Variants in CD1D observed in about 807,000 individuals in gnomAD.
CD1D encodes the protein CD1d molecule.
In CD1D, 40 loss-of-function variants were observed where a neutral mutation model predicts 42.1. That is an observed-to-expected ratio of 0.95 (90% confidence interval 0.74 to 1.24). The LOEUF (loss-of-function observed/expected upper bound fraction) is 1.24, where lower values mean the gene tolerates loss of function less well. Ranked by LOEUF, CD1D falls within the 50% of genes most tolerant of loss-of-function variation. The probability of loss-of-function intolerance (pLI) is 0.00; values close to 1 mark genes in which losing one functional copy is unlikely to be tolerated. For missense variants in CD1D, 437 were observed against 416.5 expected (o/e 1.05, Z -0.43); for synonymous variants, 178 against 171.8 (o/e 1.04, Z -0.28).
chr1:158,183,877 T>G, intron 4 of CD1D, 59 bp from the exon 5 acceptor site: 1 of 1,313,274 alleles, frequency 7.6e-7, no homozygotes, highest in Non-Finnish European at 1.1e-6. Context: ...GACCAGGGGA[T>G]TGGATATATG....
At chr1:158,181,818 C>A in intron 2 of CD1D, 97 bp downstream of exon 2, 1 of 1,477,598 alleles carries the variant, frequency 6.8e-7, no homozygotes, top group Non-Finnish European at 9.3e-7. Context: ...ATGAGATTCT[C>A]TGCTCTGTCC....
intron 3 of CD1D, 198 bp downstream of exon 3, chr1:158,182,508 CTG>C: frequency 1.6e-6 from 1 of 643,642 alleles, no homozygotes; most frequent in South Asian, 1.9e-5. Context: ...TAATGAACAA[CTG>C]GGGGTGAAAG....
At chr1:158,179,439 G>A (rs896378382), upstream of CD1D, among the ~76,000 whole-genome samples, 3 of 152,190 alleles carry the variant, frequency 2.0e-5, no homozygotes, top group East Asian at 3.9e-4. Context: ...AAACATTAAC[G>A]TTAGCAGAAT....
rs1648479862 is a variant in CD1D at position 158,182,312 on chromosome 1, T to C, written c.607+2T>C. On this transcript the variant is annotated splice_donor_variant, in intron 3 of 5. Transcript: ENST00000674085. LOFTEE classifies it high-confidence loss of function. ...GGAAGTCGGAACTGAAGAAGCAAGG[T>C]CAGCCTGCCTTCCTTACTCCCTGCA... 6.2e-7 allele frequency: 1 copy of C among 1,614,100 alleles called. No homozygotes were observed. Among genetic ancestry groups the C allele is most frequent in the Non-Finnish European group, 8.5e-7 (1 of 1,180,004 alleles).
At position 158,180,992 on chromosome 1, in the gene CD1D, T is replaced by C. The variant is rs1648365743; in HGVS notation, c.-110T>C. On this transcript the variant is annotated 5_prime_UTR_variant, in exon 1 of 6. Coordinates refer to ENST00000674085, the MANE Select transcript of CD1D (RefSeq NM_001371762.2). ...GGCTGCCGGGGTCTGGGCTTGGGAATTGGCTGGCACCCAGCGGAAAGGGAC... is the reference window on the plus strand; with the variant it reads ...GGCTGCCGGGGTCTGGGCTTGGGAACTGGCTGGCACCCAGCGGAAAGGGAC... The C allele has an allele frequency of 2.0e-6, 2 of 1,021,950 alleles. No individual in the cohort carries two copies. The highest frequency in any genetic ancestry group is 2.7e-6 in the Non-Finnish European group (2 of 734,566). 63.3% of individuals were successfully genotyped at this position (1,021,950 alleles called of 1,614,324 possible). A position where few individuals can be genotyped will look rare whatever the true frequency, so the allele number is the denominator to read the frequency against.
chr1:158,179,889 A>G (rs1030331370), upstream of CD1D: 4 of 152,282 alleles, frequency 2.6e-5, no homozygotes, highest in Non-Finnish European at 5.9e-5. Flanking sequence ...AGGTGATGTC[A>G]AAAGGTAGAC....
At position 158,181,503 on chromosome 1, in the gene CD1D, C is replaced by T; in HGVS notation, c.110C>T (p.Ala37Val). ...CGCTGCCTCCAGATCTCGTCCTTCGCCAATAGCAGCTGGACGCGCACCGAC... is the reference window on the plus strand; with the variant it reads ...CGCTGCCTCCAGATCTCGTCCTTCGTCAATAGCAGCTGGACGCGCACCGAC... The part of the protein sequence containing the change: ...PLRCLQISSF[A>V]NSSWTRTDGL... Residue 37 changes from alanine (A) to valine (V), a missense_variant, in exon 2 of 6, where the codon GCC becomes GTC. Ala to Val is a moderately conservative substitution (Grantham distance 64). Transcript: ENST00000674085. 6.2e-7 allele frequency: 1 copy of T among 1,614,178 alleles called. No individual in the cohort carries two copies. The highest frequency in any genetic ancestry group is 8.5e-7 in the Non-Finnish European group (1 of 1,180,036).
upstream of CD1D, among the ~76,000 whole-genome samples, chr1:158,179,353 A>C (rs1170134021): frequency 1.3e-5 from 2 of 152,204 alleles, no homozygotes; most frequent in Non-Finnish European, 2.9e-5. Context: ...GGCTGTCTAC[A>C]AGATCCCAGC....
At chr1:158,183,844 C>T in intron 4 of CD1D, 92 bp from the exon 5 acceptor site, 1 of 946,506 alleles carries the variant, frequency 1.1e-6, no homozygotes, top group Non-Finnish European at 1.7e-6. Flanking sequence ...ATAAGAAGCA[C>T]CTGGTACCCT....
At chr1:158,181,810 G>A (rs963599676) in intron 2 of CD1D, 89 bp downstream of exon 2, 2 of 1,510,432 alleles carry the variant, frequency 1.3e-6, no homozygotes, top group African/African-American at 1.4e-5. Flanking sequence ...ACCACCTGAT[G>A]AGATTCTCTG....
chr1:158,179,282 G>A (rs189863029), upstream of CD1D, among the ~76,000 whole-genome samples: 2 of 152,158 alleles, frequency 1.3e-5, no homozygotes, highest in East Asian at 1.9e-4. Flanking sequence ...ACAAGAACAC[G>A]TTACTATGTT....
Position 158,181,029 on chromosome 1 carries a change from G to A in CD1D, c.-73G>A. 2 of 1,334,502 alleles carry A rather than the reference G, an allele frequency of 1.5e-6. No individual in the cohort carries two copies. The highest frequency in any genetic ancestry group is 2.0e-6 in the Non-Finnish European group (2 of 988,566). 82.7% of individuals were successfully genotyped at this position (1,334,502 alleles called of 1,614,324 possible). A position where few individuals can be genotyped will look rare whatever the true frequency, so the allele number is the denominator to read the frequency against. On this transcript the variant is annotated 5_prime_UTR_variant, in exon 1 of 6. Transcript: ENST00000674085. ...CAGCGGAAAGGGACGTGAGCTGAGC[G>A]GCGGGGGAGAAGAGTGCGCAGGTCA... is the stretch of plus-strand genomic sequence containing the variant.
At chr1:158,182,392 A>G in intron 3 of CD1D, 82 bp downstream of exon 3, 1 of 1,515,784 alleles carries the variant, frequency 6.6e-7, no homozygotes, top group Non-Finnish European at 9.2e-7. Flanking sequence ...CATCCCTTTG[A>G]GCATTCAAAG....
intron 2 of CD1D, 151 bp from the exon 3 acceptor site, chr1:158,181,881 A>C: frequency 7.5e-7 from 1 of 1,334,784 alleles, no homozygotes; most frequent in South Asian, 1.4e-5. Context: ...TTGACTCCTC[A>C]AAGTGTCCCT....
At position 158,182,139 on chromosome 1, in the gene CD1D, G is replaced by C. The variant is rs748002385; in HGVS notation, c.436G>C (p.Gly146Arg). ...AGGAAAAGATATCCTGAGTTTCCAA[G>C]GAACTTCTTGGGAGCCAACCCAAGA... is the stretch of plus-strand genomic sequence containing the variant. ...FQGKDILSFQ[G>R]TSWEPTQEAP... Residue 146 changes from glycine (G) to arginine (R), a missense_variant, in exon 3 of 6, where the codon GGA becomes CGA. Physicochemically the swap from Gly to Arg is moderately radical, Grantham distance 125 (BLOSUM62 -2). Transcript: ENST00000674085. The C allele has an allele frequency of 6.2e-7, 1 of 1,614,184 alleles. No individual in the cohort carries two copies. Among genetic ancestry groups the C allele is most frequent in the Non-Finnish European group, 8.5e-7 (1 of 1,180,028 alleles).
In CD1D at chr1:158,184,201, G is replaced by A. The variant is rs1648608270; in HGVS notation, c.*51G>A. Reference sequence around the variant, plus strand: ...GGAACCCAGGACCTCTGGACCTCAGGTTCCTAAGACTTCAGTCCTGGTCTG... The same window carrying A: ...GGAACCCAGGACCTCTGGACCTCAGATTCCTAAGACTTCAGTCCTGGTCTG... On this transcript the variant is annotated 3_prime_UTR_variant, in exon 6 of 6. Coordinates refer to ENST00000674085, the MANE Select transcript of CD1D (RefSeq NM_001371762.2). 4 of 1,580,394 alleles carry A rather than the reference G, an allele frequency of 2.5e-6. No homozygotes were observed. Among genetic ancestry groups the A allele is most frequent in the Non-Finnish European group, 3.5e-6 (4 of 1,149,818 alleles).
chr1:158,181,498 C>T lies in CD1D; in HGVS notation c.105C>T (p.Ser35=). ...CCCTCCGCTGCCTCCAGATCTCGTC[C>T]TTCGCCAATAGCAGCTGGACGCGCA... ...LFPLRCLQIS[S]FANSSWTRTD... Residue 35 remains serine, a synonymous_variant, in exon 2 of 6, where the codon TCC becomes TCT. Coordinates refer to ENST00000674085, the MANE Select transcript of CD1D (RefSeq NM_001371762.2). 2 of 1,614,170 alleles carry T rather than the reference C, an allele frequency of 1.2e-6. No individual in the cohort carries two copies. The highest frequency in any genetic ancestry group is 2.2e-5 in the South Asian group (2 of 91,078).
Position 158,184,435 on chromosome 1 carries a change from T to A in CD1D, c.*285T>A, listed in dbSNP as rs1332446941. On this transcript the variant is annotated 3_prime_UTR_variant, in exon 6 of 6. Transcript: ENST00000674085. ...GTGTGCAAACTTGTATCTGAAGACC[T>A]ACCAGGGACAAGCAGGTAAGAGCTG... 1 of 498,474 alleles carries A rather than the reference T, an allele frequency of 2.0e-6. No homozygotes were observed. Among genetic ancestry groups the A allele is most frequent in the African/African-American group, 1.9e-5 (1 of 51,718 alleles). 30.9% of individuals were successfully genotyped at this position (498,474 alleles called of 1,614,324 possible). A position where few individuals can be genotyped will look rare whatever the true frequency, so the allele number is the denominator to read the frequency against.
At position 158,186,287 on chromosome 1, in the gene CD1D, T is replaced by C. The variant is rs1648700224; in HGVS notation, c.*2137T>C. ...AGTTTGTGAACCAACCCCACTGGCC[T>C]TCTGCATTCTGAGGGCACGTGTGTT... On this transcript the variant is annotated 3_prime_UTR_variant, in exon 6 of 6. Transcript: ENST00000674085. 6.6e-6 allele frequency among the ~76,000 whole-genome samples: 1 copy of C among 152,192 alleles called. No homozygotes were observed. Among genetic ancestry groups the C allele is most frequent in the African/African-American group, 2.4e-5 (1 of 41,462 alleles).
Sources: gnomAD v4.1 joint callset for allele counts (sites outside exome capture counted in the v4.1 genomes callset) on GRCh38, gnomAD v4.1.1 for gene constraint, MANE v1.5 for transcripts, NCBI Gene and HGNC (gene_info 2026-07-23, HGNC 2026-07-21) for gene names.